Variants in RANBP2 observed in about 807,000 individuals in gnomAD.
RANBP2 encodes the protein RAN binding protein 2.
Under a neutral mutation model 303.6 loss-of-function variants are expected in RANBP2, and 57 were observed. That is an observed-to-expected ratio of 0.19 (90% CI 0.15 to 0.23). RANBP2 has a LOEUF of 0.23. RANBP2 is among the 10% of genes least tolerant of loss of function. The pLI, the probability that RANBP2 is intolerant of heterozygous loss-of-function variation, is 1.00. For missense variants in RANBP2, 3,138 were observed against 3,780.8 expected (o/e 0.83, Z 4.46); for synonymous variants, 1,167 against 1,301.5 (o/e 0.90, Z 2.23).
the RANBP2 span, among the ~76,000 whole-genome samples, chr2:109,537,311 G>A: frequency 3.3e-5 from 5 of 152,046 alleles, no homozygotes; most frequent in African/African-American, 4.8e-5. Context: ...TGGGGATGAC[G>A]ATGATTTTCC....
At chr2:109,175,602 A>G in the RANBP2 span, among the ~76,000 whole-genome samples, 147 of 152,318 alleles carry the variant, frequency 9.7e-4, no homozygotes, top group Non-Finnish European at 1.6e-3. Context: ...ATCTTAGGTT[A>G]TTGCTTTGGC....
the RANBP2 span, among the ~76,000 whole-genome samples, chr2:109,366,792 G>T: frequency 6.6e-6 from 1 of 152,204 alleles, no homozygotes; most frequent in Non-Finnish European, 1.5e-5. Flanking sequence ...AGTCAAAGCT[G>T]CAGTGAGCTG....
At chr2:108,839,768 T>A in the RANBP2 span, among the ~76,000 whole-genome samples, 2 of 152,120 alleles carry the variant, frequency 1.3e-5, no homozygotes. Flanking sequence ...TTCTTGAAGA[T>A]TCCTCAGGAT....
chr2:109,429,560 A>C, the RANBP2 span, among the ~76,000 whole-genome samples: 1 of 152,094 alleles, frequency 6.6e-6, no homozygotes, highest in Non-Finnish European at 1.5e-5. Flanking sequence ...GTGAGGAGCC[A>C]ACATACCCCA....
chr2:109,152,423 G>T, the RANBP2 span, among the ~76,000 whole-genome samples: 3 of 152,170 alleles, frequency 2.0e-5, no homozygotes, highest in African/African-American at 7.2e-5. Context: ...TCTGGGCTCC[G>T]ATCTCAAGTT....
the RANBP2 span, among the ~76,000 whole-genome samples, chr2:109,525,248 G>A: frequency 2.0e-5 from 3 of 152,014 alleles, no homozygotes; most frequent in Non-Finnish European, 4.4e-5. Context: ...TCTGCCTCCC[G>A]GGTTCGAGAG....
the RANBP2 span, among the ~76,000 whole-genome samples, chr2:109,222,358 A>G: frequency 6.6e-6 from 1 of 152,264 alleles, no homozygotes; most frequent in East Asian, 1.9e-4. Flanking sequence ...GTCCCAACAC[A>G]AAGAAATGAT....
chr2:108,870,570 CAAAAGT>C, the RANBP2 span, among the ~76,000 whole-genome samples: 2,179 of 152,132 alleles, frequency 0.014, 54 homozygotes, highest in African/African-American at 0.05. Flanking sequence ...ATGAAACTGT[CAAAAGT>C]AAAAGACAAA....
At chr2:109,564,515 A>G in the RANBP2 span, 19 of 1,525,714 alleles carry the variant, frequency 1.2e-5, no homozygotes, top group Non-Finnish European at 1.7e-5. Context: ...TTACAAAGTC[A>G]CAGTGGTTTT....
chr2:109,671,437 GGGAGTA>G, the RANBP2 span, among the ~76,000 whole-genome samples: 1 of 152,152 alleles, frequency 6.6e-6, no homozygotes, highest in Non-Finnish European at 1.5e-5. Context: ...GCTGGGAAGG[GGGAGTA>G]GGAGCTTCAG....
chr2:109,098,116 T>G, the RANBP2 span, among the ~76,000 whole-genome samples: 1 of 152,168 alleles, frequency 6.6e-6, no homozygotes, highest in South Asian at 2.1e-4. Context: ...CTATCACAGT[T>G]GTGTGAGCAC....
the RANBP2 span, among the ~76,000 whole-genome samples, chr2:109,161,811 A>G: frequency 6.6e-6 from 1 of 151,952 alleles, no homozygotes; most frequent in African/African-American, 2.4e-5. Flanking sequence ...TAATCTATTC[A>G]TAGGGGATGC....
At chr2:109,375,744 C>T in the RANBP2 span, among the ~76,000 whole-genome samples, 1 of 152,238 alleles carries the variant, frequency 6.6e-6, no homozygotes. Flanking sequence ...TGCAGCCCCC[C>T]TCTCTTTCTG....
chr2:109,734,056 G>A, the RANBP2 span, among the ~76,000 whole-genome samples: 1 of 151,818 alleles, frequency 6.6e-6, no homozygotes, highest in Non-Finnish European at 1.5e-5. Context: ...TCGGGTGCCT[G>A]TAATCCCAGC....
chr2:109,064,873 G>A, the RANBP2 span, among the ~76,000 whole-genome samples: 1 of 152,124 alleles, frequency 6.6e-6, no homozygotes, highest in Non-Finnish European at 1.5e-5. Flanking sequence ...GAAAGACATA[G>A]ACAAGATGCT....
At chr2:109,331,757 T>C in the RANBP2 span, among the ~76,000 whole-genome samples, 3 of 152,218 alleles carry the variant, frequency 2.0e-5, no homozygotes, top group Non-Finnish European at 4.4e-5. Flanking sequence ...AGGTGGCCAA[T>C]AAGTACTTGG....
the RANBP2 span, among the ~76,000 whole-genome samples, chr2:109,597,708 C>T: frequency 2.0e-5 from 3 of 152,192 alleles, no homozygotes; most frequent in East Asian, 5.8e-4. Flanking sequence ...TAACTCCTAG[C>T]AAGGTCTACC....
the RANBP2 span, chr2:109,585,428 G>A: frequency 1.1e-6 from 1 of 937,810 alleles, no homozygotes; most frequent in Non-Finnish European, 1.6e-6. Flanking sequence ...TCAAAGGCCA[G>A]GGTGCGCATG....
chr2:108,929,146 G>A, the RANBP2 span: 75 of 1,607,118 alleles, frequency 4.7e-5, 1 homozygote, highest in South Asian at 2.0e-4. Flanking sequence ...GTAGCCCCTC[G>A]GGGTTTTCTG....
Sources: gnomAD v4.1 joint callset for allele counts (sites outside exome capture counted in the v4.1 genomes callset) on GRCh38, gnomAD v4.1.1 for gene constraint, MANE v1.5 for transcripts, NCBI Gene and HGNC (gene_info 2026-07-23, HGNC 2026-07-21) for gene names.